Variants in UBE2J2 observed in about 807,000 individuals in gnomAD.
UBE2J2 encodes the protein ubiquitin conjugating enzyme E2 J2, also known as ubiquitin-conjugating enzyme E2 J2.
UBE2J2 carries 5 observed loss-of-function variants against 28.6 expected under a neutral mutation model. The ratio of observed to expected loss-of-function variants is 0.17; its 90% CI spans 0.09 to 0.37. The LOEUF (loss-of-function observed/expected upper bound fraction) is 0.37. Ranked by LOEUF, UBE2J2 falls within the 10% of genes least tolerant of loss-of-function variation. The pLI, the probability that UBE2J2 is intolerant of heterozygous loss-of-function variation, is 1.00. For synonymous variants in UBE2J2, 138 were observed against 139.7 expected (o/e 0.99, Z 0.09); for missense variants, 226 against 338.9 (o/e 0.67, Z 2.62).
At chr1:1,264,003 G>T (rs539169809) in intron 2 of UBE2J2, among the ~76,000 whole-genome samples, 1 of 152,132 alleles carries the variant, frequency 6.6e-6, no homozygotes, top group African/African-American at 2.4e-5. Flanking sequence ...AAGAAAAAAC[G>T]ATGTACTTTG....
chr1:1,272,617 G>C (rs1479506828), intron 1 of UBE2J2, among the ~76,000 whole-genome samples: 1 of 152,116 alleles, frequency 6.6e-6, no homozygotes, highest in Non-Finnish European at 1.5e-5. Flanking sequence ...GCACCTGCCT[G>C]GGTCACCTGC....
At chr1:1,263,290 C>T in intron 3 of UBE2J2, 56 bp downstream of exon 3, 1 of 1,484,662 alleles carries the variant, frequency 6.7e-7, no homozygotes, top group African/African-American at 1.4e-5. Context: ...ACAGGCAAGG[C>T]TGACTGAGAA....
At chr1:1,265,664 T>C (rs2101077807) in intron 2 of UBE2J2, among the ~76,000 whole-genome samples, 1 of 149,664 alleles carries the variant, frequency 6.7e-6, no homozygotes, top group East Asian at 2.0e-4. Context: ...AGTCTCACTC[T>C]GTCGCCAGGC....
At chr1:1,256,423 A>G (rs1370234602) in intron 5 of UBE2J2, 2 of 318,968 alleles carry the variant, frequency 6.3e-6, no homozygotes, top group African/African-American at 4.4e-5. Context: ...GCCTTGGCCC[A>G]CCCCAAGATC....
chr1:1,270,656 A>G (rs1640102436), intron 1 of UBE2J2, among the ~76,000 whole-genome samples: 1 of 152,080 alleles, frequency 6.6e-6, no homozygotes, highest in Non-Finnish European at 1.5e-5. Flanking sequence ...AGAAGGTCTG[A>G]GCTTCTAGTC....
At chr1:1,269,821 G>A (rs1640058369) in intron 1 of UBE2J2, among the ~76,000 whole-genome samples, 1 of 152,144 alleles carries the variant, frequency 6.6e-6, no homozygotes, top group African/African-American at 2.4e-5. Flanking sequence ...AACGGACAGT[G>A]ACCAGTGATC....
At chr1:1,266,055 C>T (rs1399638048) in intron 2 of UBE2J2, 3 of 1,303,270 alleles carry the variant, frequency 2.3e-6, no homozygotes, top group Non-Finnish European at 2.0e-6. Flanking sequence ...GACGTCCTCG[C>T]AACCAGCGAG....
Position 1,268,537 on chromosome 1 carries a change from T to C in UBE2J2, c.1-545A>G, listed in dbSNP as rs972153002. Among the ~76,000 whole-genome samples, 10 of 152,066 alleles carry C rather than the reference T, an allele frequency of 6.6e-5. No individual in the cohort carries two copies. Among genetic ancestry groups the C allele is most frequent in the South Asian group, 4.1e-4 (2 of 4,822 alleles). Reference sequence around the variant, plus strand: ...TCTGCGGCTGGAGGGACGAGGACTCTGGAGACTCCAAGGCACTCACTGGGC... The same window carrying C: ...TCTGCGGCTGGAGGGACGAGGACTCCGGAGACTCCAAGGCACTCACTGGGC... On this transcript the variant is annotated intron_variant, in intron 1 of 6. Transcript: ENST00000349431. This position sits in a 1 kb window ranked among gnomAD's most constrained non-coding sequence, Gnocchi z 4.7.
chr1:1,262,071 G>GGT, intron 3 of UBE2J2: 1 of 290,206 alleles, frequency 3.4e-6, no homozygotes, highest in Non-Finnish European at 6.9e-6. Context: ...TGGTCAGGCT[G>GGT]GTCTCGAACT....
chr1:1,258,043 TTTTG>T (rs931436329), intron 3 of UBE2J2, among the ~76,000 whole-genome samples: 73 of 151,916 alleles, frequency 4.8e-4, no homozygotes, highest in African/African-American at 1.7e-3. Flanking sequence ...TTTTGTTTTG[TTTTG>T]TTTTTTTTTT....
intron 1 of UBE2J2, among the ~76,000 whole-genome samples, chr1:1,269,958 G>A (rs114976177): frequency 0.012 from 1,763 of 152,226 alleles, 30 homozygotes; most frequent in African/African-American, 0.038. Context: ...CCCCCATGTT[G>A]AGGGAGGGAC....
chr1:1,264,973 G>A (rs928765491), intron 2 of UBE2J2: 1 of 152,566 alleles, frequency 6.6e-6, no homozygotes, highest in African/African-American at 2.4e-5. Context: ...AGAGCCAGCT[G>A]GTATGTTTTA....
Position 1,267,931 on chromosome 1 carries a change from T to C in UBE2J2, c.62A>G (p.Tyr21Cys), listed in dbSNP as rs1343758746. The C allele has an allele frequency of 6.2e-7, 1 of 1,613,942 alleles. No homozygotes were observed. The highest frequency in any genetic ancestry group is 8.5e-7 in the Non-Finnish European group (1 of 1,179,978). The part of the protein sequence containing the change: ...TTATQRLKQD[Y>C]LRIKKDPVPY... ...CACCGGGTCTTTCTTAATGCGAAGG[T>C]AGTCCTGCTTCAGCCTCTGGGTTGC... The change falls in exon 2 of 7, where the codon TAC becomes TGC. Residue 21 changes from tyrosine to cysteine, a missense_variant. By Grantham distance (194) the Tyr-to-Cys change is radical (BLOSUM62 -2). Coordinates refer to ENST00000349431, the MANE Select transcript of UBE2J2 (RefSeq NM_058167.3).
At chr1:1,263,131 C>CTACAGGCGGTGAACACAGACGG in intron 3 of UBE2J2, 1 of 551,518 alleles carries the variant, frequency 1.8e-6, no homozygotes, top group Admixed American at 2.9e-5. Context: ...AACACAGACG[C>CTACAGGCGGTGAACACAGACGG]TACAGGCGGC....
chr1:1,257,719 C>T (rs1639288038), intron 3 of UBE2J2, among the ~76,000 whole-genome samples: 1 of 152,006 alleles, frequency 6.6e-6, no homozygotes, highest in South Asian at 2.1e-4. Context: ...GAGCTCCAGG[C>T]CCAGCTGAGG....
intron 1 of UBE2J2, chr1:1,272,747 AAGG>A: frequency 5.9e-6 from 1 of 169,048 alleles, no homozygotes; most frequent in Non-Finnish European, 1.3e-5. Flanking sequence ...TGGAACTGCT[AAGG>A]AGGTCAGCGG....
intron 1 of UBE2J2, chr1:1,272,940 TAC>T (rs1308579664): frequency 6.5e-6 from 1 of 152,720 alleles, no homozygotes; most frequent in Admixed American, 6.5e-5. Flanking sequence ...AAGCCCGCTG[TAC>T]ACTCTTCGCT....
chr1:1,265,895 A>C (rs1464992852), intron 2 of UBE2J2, among the ~76,000 whole-genome samples: 1 of 151,944 alleles, frequency 6.6e-6, no homozygotes, highest in Non-Finnish European at 1.5e-5. Flanking sequence ...GGCCTCCCAA[A>C]GTGCTGGGAT....
At chr1:1,266,745 T>A (rs937783645) in intron 2 of UBE2J2, among the ~76,000 whole-genome samples, 3 of 152,104 alleles carry the variant, frequency 2.0e-5, no homozygotes, top group Admixed American at 2.0e-4. Context: ...GAGAATGGCA[T>A]GAACCCGGCA....
Sources: gnomAD v4.1 joint callset for allele counts (sites outside exome capture counted in the v4.1 genomes callset) on GRCh38, gnomAD v4.1.1 for gene constraint, Gnocchi (gnomAD v3.1) non-coding constraint, MANE v1.5 for transcripts, NCBI Gene and HGNC (gene_info 2026-07-23, HGNC 2026-07-21) for gene names.